UBAP2: variants seen among roughly 807,000 people sequenced by gnomAD.
UBAP2 encodes ubiquitin-associated protein 2.
UBAP2 carries 75 observed loss-of-function variants against 139.6 expected under a neutral mutation model. That is an observed-to-expected ratio of 0.54 (90% CI 0.45 to 0.65). The LOEUF is 0.65. Among genes scored for constraint, UBAP2 ranks in the 30% least tolerant of loss-of-function variants. The pLI is 0.00. For missense variants in UBAP2, 1,368 were observed against 1,369.6 expected (o/e 1.00, Z 0.02); for synonymous variants, 526 against 526.2 (o/e 1.00, Z 0.01).
chr9:33,956,796 A>G (rs79709259), intron 10 of UBAP2, among the ~76,000 whole-genome samples: 2,875 of 152,236 alleles, frequency 0.019, 30 homozygotes, highest in Non-Finnish European at 0.03. Flanking sequence ...TAAACCCACC[A>G]ACAATGCTAA....
chr9:34,002,377 C>CTTTTTTT (rs33995709), intron 2 of UBAP2, among the ~76,000 whole-genome samples: 1 of 108,510 alleles, frequency 9.2e-6, no homozygotes. Flanking sequence ...TGCATAGGTG[C>CTTTTTTT]TTTTTTTTTT....
intron 10 of UBAP2, 78 bp from the exon 11 acceptor site, chr9:33,956,224 G>A: frequency 1.0e-6 from 1 of 962,042 alleles, no homozygotes; most frequent in South Asian, 1.4e-5. Flanking sequence ...ATCATTTGTA[G>A]TCATCAGTAG....
intron 1 of UBAP2, among the ~76,000 whole-genome samples, chr9:34,035,500 TA>T (rs1202143092): frequency 1.1e-4 from 4 of 36,680 alleles, no homozygotes; most frequent in Admixed American, 4.1e-4. Flanking sequence ...AGACTCCATC[TA>T]AAAAAAAAAA....
At chr9:34,002,513 G>A (rs1822805859) in intron 2 of UBAP2, among the ~76,000 whole-genome samples, 1 of 151,154 alleles carries the variant, frequency 6.6e-6, no homozygotes, top group South Asian at 2.1e-4. Context: ...GAATAGCTAG[G>A]ATTACAGGTG....
chr9:34,029,161 A>C (rs1246709195), intron 1 of UBAP2, among the ~76,000 whole-genome samples: 1 of 152,176 alleles, frequency 6.6e-6, no homozygotes, highest in South Asian at 2.1e-4. Flanking sequence ...GAAATTAAAC[A>C]GTTATGATAA....
At chr9:33,926,524 A>C in intron 22 of UBAP2, 93 bp downstream of exon 22, 1 of 1,410,502 alleles carries the variant, frequency 7.1e-7, no homozygotes, top group Non-Finnish European at 1.0e-6. Flanking sequence ...AGAGGATCCT[A>C]AGGGCCAGAG....
intron 24 of UBAP2, 73 bp from the exon 25 acceptor site, chr9:33,923,551 G>A: frequency 2.1e-6 from 3 of 1,442,978 alleles, no homozygotes; most frequent in South Asian, 2.3e-5. Flanking sequence ...CCCTGCCAGA[G>A]CCTAAGGCAG....
intron 2 of UBAP2, among the ~76,000 whole-genome samples, chr9:34,002,460 C>T (rs1208479488): frequency 6.6e-6 from 1 of 150,470 alleles, no homozygotes; most frequent in Non-Finnish European, 1.5e-5. Flanking sequence ...TCACTGCAAC[C>T]TCCATCTCCC....
At chr9:33,962,280 GT>G (rs1827105590) in intron 9 of UBAP2, among the ~76,000 whole-genome samples, 1 of 152,154 alleles carries the variant, frequency 6.6e-6, no homozygotes, top group Admixed American at 6.5e-5. Context: ...AGTTAATGTA[GT>G]AAGTTAAAAC....
intron 6 of UBAP2, among the ~76,000 whole-genome samples, chr9:33,982,304 ATATACTC>A (rs1300020406): frequency 6.6e-6 from 1 of 152,204 alleles, no homozygotes; most frequent in East Asian, 1.9e-4. Context: ...CTTATGAAAG[ATATACTC>A]TATAGGAATG....
chr9:33,970,827 A>G (rs1241492757), intron 8 of UBAP2, among the ~76,000 whole-genome samples: 2 of 151,952 alleles, frequency 1.3e-5, no homozygotes, highest in Non-Finnish European at 2.9e-5. Flanking sequence ...GTTTGAGATG[A>G]AGTCTCGCTC....
chr9:33,979,151 T>C (rs1188196522), intron 6 of UBAP2, among the ~76,000 whole-genome samples: 2 of 152,174 alleles, frequency 1.3e-5, no homozygotes, highest in African/African-American at 2.4e-5. Context: ...AGCAGGAGTA[T>C]TGCTTGAACG....
rs554705816 is a variant in UBAP2, at chr9:34,021,795, G to A, written c.-41-4606C>T. ...ACTACAGACGCCTGCCACCACGCCC[G>A]ACTAATTTTTGTATTTTTAGTAGAG... On this transcript the variant is annotated intron_variant, in intron 1 of 28. Transcript: ENST00000379238. 5.3e-5 allele frequency among the ~76,000 whole-genome samples: 8 copies of A among 152,004 alleles called. No individual in the cohort carries two copies. The South Asian group carries it at 1.3e-3, about 24-fold the overall frequency.
At chr9:33,978,238 G>A (rs1233421313) in intron 6 of UBAP2, among the ~76,000 whole-genome samples, 2 of 151,892 alleles carry the variant, frequency 1.3e-5, no homozygotes, top group South Asian at 2.1e-4. Flanking sequence ...CAGAGGATTC[G>A]AAATTTAAAC....
intron 15 of UBAP2, 55 bp downstream of exon 15, chr9:33,943,364 CA>C: frequency 6.5e-7 from 1 of 1,545,582 alleles, no homozygotes. Context: ...TCTTTTCCAC[CA>C]GTTGATCTCT....
At chr9:34,045,174 G>A (rs1827463245) in intron 1 of UBAP2, among the ~76,000 whole-genome samples, 1 of 151,516 alleles carries the variant, frequency 6.6e-6, no homozygotes, top group African/African-American at 2.4e-5. Flanking sequence ...GTGAAACCCC[G>A]TCTCTAATAA....
At chr9:33,957,609 G>C (rs1317741258) in intron 10 of UBAP2, among the ~76,000 whole-genome samples, 1 of 152,136 alleles carries the variant, frequency 6.6e-6, no homozygotes, top group Non-Finnish European at 1.5e-5. Flanking sequence ...TAAATTTTTT[G>C]AAACCTCAAC....
At chr9:34,016,105 T>A (rs948524998) in intron 2 of UBAP2, among the ~76,000 whole-genome samples, 1 of 149,638 alleles carries the variant, frequency 6.7e-6, no homozygotes, top group Non-Finnish European at 1.5e-5. Context: ...GGAGAGGAGA[T>A]GATGATGAAG....
At chr9:33,963,888 G>T in intron 8 of UBAP2, 97 bp from the exon 9 acceptor site, 2 of 853,496 alleles carry the variant, frequency 2.3e-6, no homozygotes, top group Non-Finnish European at 4.0e-6. Flanking sequence ...TGTATATGCT[G>T]CGTTACTGCC....
Sources: allele counts gnomAD v4.1 joint callset (sites outside exome capture counted in the v4.1 genomes callset), GRCh38; gene constraint gnomAD v4.1.1; transcripts MANE v1.5; gene names NCBI Gene and HGNC (gene_info 2026-07-23, HGNC 2026-07-21).